The following FSTL5 variants were observed in gnomAD, a reference collection of about 807,000 sequenced individuals.
FSTL5 encodes the protein follistatin-related protein 5.
FSTL5 carries 62 observed loss-of-function variants against 89.1 expected under a neutral mutation model. The ratio of observed to expected loss-of-function variants is 0.70; its 90% CI spans 0.57 to 0.86. The LOEUF is 0.86. FSTL5 is among the 40% of genes least tolerant of loss of function. FSTL5 has a pLI of 0.00. For missense variants in FSTL5, 1,057 were observed against 1,001.6 expected (o/e 1.06, Z -0.75); for synonymous variants, 383 against 346.2 (o/e 1.11, Z -1.18).
intron 3 of FSTL5, among the ~76,000 whole-genome samples, chr4:161,950,507 G>A (rs1011376015): frequency 6.6e-6 from 1 of 152,136 alleles, no homozygotes; most frequent in African/African-American, 2.4e-5. Flanking sequence ...ACTCTGGAAA[G>A]TACCAGGTGC....
chr4:161,394,199 T>C lies in FSTL5; in HGVS notation c.1842-7750A>G, dbSNP rs555649588. 4.6e-5 allele frequency among the ~76,000 whole-genome samples: 7 copies of C among 152,328 alleles called. No homozygotes were observed. In the South Asian group the frequency reaches 1.4e-3, roughly 32 times the overall value. ...TTTGTTTTTACCTGAAATGAATATT[T>C]AGGTAACATTTTCTTACTTCTGGTA... is the stretch of plus-strand genomic sequence containing the variant. On this transcript the variant is annotated intron_variant, in intron 15 of 15. Coordinates refer to ENST00000306100, the MANE Select transcript of FSTL5 (RefSeq NM_020116.5).
intron 5 of FSTL5, among the ~76,000 whole-genome samples, chr4:161,771,615 T>C (rs1370805994): frequency 6.6e-6 from 1 of 152,124 alleles, no homozygotes; most frequent in Admixed American, 6.6e-5. Flanking sequence ...ATATTATCTT[T>C]TGGTCTTGAA....
chr4:161,643,899 T>TA (rs1299242123), intron 7 of FSTL5, among the ~76,000 whole-genome samples: 2 of 152,096 alleles, frequency 1.3e-5, no homozygotes, highest in African/African-American at 4.8e-5. Flanking sequence ...ACTGCAAATA[T>TA]AAGAACCACC....
In FSTL5 at chr4:161,710,372, G is replaced by A. The variant is rs75078271; in HGVS notation, c.727+49039C>T. Among the ~76,000 whole-genome samples the A allele has an allele frequency of 7.1e-3, 1,086 of 152,218 alleles. 13 individuals are homozygous for A. Among genetic ancestry groups the A allele is most frequent in the African/African-American group, 0.025 (1,024 of 41,544 alleles). ...TCAGCACATCAGTTTTGATTCTATA[G>A]CAGAATTAACTCAAAATGGCATACA... On this transcript the variant is annotated intron_variant, in intron 6 of 15. Transcript: ENST00000306100.
At chr4:161,594,237 C>G (rs937121592) in intron 7 of FSTL5, among the ~76,000 whole-genome samples, 1 of 151,808 alleles carries the variant, frequency 6.6e-6, no homozygotes, top group Admixed American at 6.6e-5. Context: ...TTTCAACGGA[C>G]AAGAATAATT....
At chr4:161,432,314 T>G (rs537732220) in intron 15 of FSTL5, among the ~76,000 whole-genome samples, 1 of 152,000 alleles carries the variant, frequency 6.6e-6, no homozygotes, top group African/African-American at 2.4e-5. Flanking sequence ...TTTTGAAAAC[T>G]AAACAAACAC....
chr4:161,424,296 A>G (rs1392330375), intron 15 of FSTL5, among the ~76,000 whole-genome samples: 1 of 151,696 alleles, frequency 6.6e-6, no homozygotes, highest in Non-Finnish European at 1.5e-5. Context: ...TGGTTTTAAT[A>G]TAATTATTTT....
In FSTL5 at chr4:161,529,407, ATATTGGAATTTATTATAAATAAT is replaced by A. The variant is rs1377294430; in HGVS notation, c.1312+8736_1312+8758del. Among the ~76,000 whole-genome samples the A allele has an allele frequency of 1.4e-5, 2 of 142,848 alleles. 1 individual carries two copies. Among genetic ancestry groups the A allele is most frequent in the African/African-American group, 5.0e-5 (2 of 40,070 alleles). The allele number at this position is 142,848 out of a possible 152,430, so 93.7% of individuals were successfully genotyped here. A position where few individuals can be genotyped will look rare whatever the true frequency, so the allele number is the denominator to read the frequency against. ...ACATTGGCCAAATTGAGAAGCATGA[ATATTGGAATTTATTATAAATAAT>A]GAAAGTTTATAAAATAATAAATGCT... On this transcript the variant is annotated intron_variant, in intron 10 of 15. Transcript: ENST00000306100.
chr4:161,481,276 A>G (rs1290712069), intron 12 of FSTL5, 107 bp from the exon 13 acceptor site: 2 of 662,194 alleles, frequency 3.0e-6, no homozygotes, highest in Middle Eastern at 2.7e-4. Context: ...TTTCAGCATC[A>G]AATGTTAAAT....
At chr4:162,162,079 A>G (rs1733716743) in intron 1 of FSTL5, among the ~76,000 whole-genome samples, 1 of 152,100 alleles carries the variant, frequency 6.6e-6, no homozygotes, top group South Asian at 2.1e-4. Context: ...CATGTGAACA[A>G]CTTCAAAAGA....
At chr4:161,486,937 G>T (rs1303789170) in intron 12 of FSTL5, among the ~76,000 whole-genome samples, 1 of 152,126 alleles carries the variant, frequency 6.6e-6, no homozygotes, top group African/African-American at 2.4e-5. Flanking sequence ...GAAAAGAAAA[G>T]ATTTTCCACA....
intron 7 of FSTL5, among the ~76,000 whole-genome samples, chr4:161,647,617 A>T (rs1736196384): frequency 1.3e-5 from 2 of 152,158 alleles, no homozygotes; most frequent in African/African-American, 4.8e-5. Context: ...GCTATAAAAC[A>T]TCATGCTGAT....
At chr4:161,630,651 G>A (rs137891756) in intron 7 of FSTL5, among the ~76,000 whole-genome samples, 191 of 152,272 alleles carry the variant, frequency 1.3e-3, no homozygotes, top group Non-Finnish European at 2.2e-3. Flanking sequence ...CCACAAAGAT[G>A]AATAATAAAT....
intron 1 of FSTL5, among the ~76,000 whole-genome samples, chr4:162,143,623 G>C (rs1224912724): frequency 6.6e-6 from 1 of 151,686 alleles, no homozygotes; most frequent in East Asian, 1.9e-4. Context: ...GAATATTTTA[G>C]GGCATCTGGA....
intron 3 of FSTL5, among the ~76,000 whole-genome samples, chr4:162,012,762 AATAAT>A (rs1243308216): frequency 7.2e-5 from 11 of 152,216 alleles, no homozygotes; most frequent in African/African-American, 2.7e-4. Flanking sequence ...CTGAGTGCTT[AATAAT>A]ATAATATTGA....
intron 12 of FSTL5, among the ~76,000 whole-genome samples, chr4:161,489,297 G>A (rs1446685616): frequency 6.6e-6 from 1 of 152,060 alleles, no homozygotes; most frequent in Non-Finnish European, 1.5e-5. Flanking sequence ...GAACAGGAGA[G>A]GCAGGCACTT....
intron 15 of FSTL5, among the ~76,000 whole-genome samples, chr4:161,391,016 A>G (rs1296550169): frequency 6.6e-6 from 1 of 152,162 alleles, no homozygotes. Flanking sequence ...ACGCGCATTA[A>G]TTGTTGCAAA....
intron 2 of FSTL5, among the ~76,000 whole-genome samples, chr4:162,038,662 T>C (rs989531562): frequency 4.0e-5 from 6 of 151,886 alleles, no homozygotes; most frequent in Non-Finnish European, 7.4e-5. Flanking sequence ...TTCCAGTATC[T>C]GGATTTATGA....
At chr4:161,892,293 C>G (rs1362738698) in intron 4 of FSTL5, among the ~76,000 whole-genome samples, 3 of 152,024 alleles carry the variant, frequency 2.0e-5, no homozygotes, top group Non-Finnish European at 4.4e-5. Flanking sequence ...CCCATATAAT[C>G]TAAATGCTCA....
Sources: allele counts gnomAD v4.1 joint callset (sites outside exome capture counted in the v4.1 genomes callset), GRCh38; gene constraint gnomAD v4.1.1; transcripts MANE v1.5; gene names NCBI Gene and HGNC (gene_info 2026-07-23, HGNC 2026-07-21).